The following KRT28 variants were observed in gnomAD, a reference collection of about 807,000 sequenced individuals.
The protein encoded by KRT28 is keratin 28.
A neutral mutation model predicts 48.1 loss-of-function variants in KRT28; 45 were observed. The observed-to-expected ratio is 0.94, with a 90% confidence interval of 0.74 to 1.20. KRT28 has a LOEUF of 1.20. Among genes scored for constraint, KRT28 ranks in the 50% most tolerant of loss-of-function variants. The pLI, the probability that KRT28 is intolerant of heterozygous loss-of-function variation, is 0.00. For missense variants in KRT28, 571 were observed against 574.1 expected (o/e 0.99, Z 0.06); for synonymous variants, 228 against 227.4 (o/e 1.00, Z -0.03).
At chr17:40,799,392 G>T (rs1173504913) in intron 1 of KRT28, 52 bp downstream of exon 1, 2 of 1,330,168 alleles carry the variant, frequency 1.5e-6, no homozygotes, top group East Asian at 2.3e-5. Context: ...CTTTTGTTAG[G>T]TATTTCTTAG....
Position 40,792,604 on chromosome 17 carries a change from C to T in KRT28, c.1253-35G>A, listed in dbSNP as rs774443385. The T allele has an allele frequency of 1.2e-5, 18 of 1,521,070 alleles. No homozygotes were observed. The South Asian group carries it at 2.2e-4, about 18-fold the overall frequency. The allele number at this position is 1,521,070 out of a possible 1,614,324, so 94.2% of individuals were successfully genotyped here. A position where few individuals can be genotyped will look rare whatever the true frequency, so the allele number is the denominator to read the frequency against. ...AAACATAGGCATACATATATTCAACCAAAAAGATTACATGACAATTCCACT... is the reference window on the plus strand; with the variant it reads ...AAACATAGGCATACATATATTCAACTAAAAAGATTACATGACAATTCCACT... On this transcript the variant is annotated intron_variant, in intron 7 of 7. Coordinates refer to ENST00000306658, the MANE Select transcript of KRT28 (RefSeq NM_181535.3).
intron 5 of KRT28, 124 bp downstream of exon 5, chr17:40,796,792 A>T: frequency 2.3e-6 from 3 of 1,308,116 alleles, no homozygotes; most frequent in Non-Finnish European, 3.1e-6. Context: ...GCTCTCCTCC[A>T]CTCTCTCTGC....
At chr17:40,799,075 G>C (rs531872413) in intron 1 of KRT28, 76 bp from the exon 2 acceptor site, 11 of 926,246 alleles carry the variant, frequency 1.2e-5, no homozygotes, top group Non-Finnish European at 1.8e-5. Context: ...AAATGAAAAA[G>C]GTTACTCAAG....
Position 40,797,286 on chromosome 17 carries a change from A to T in KRT28, c.691-5T>A. On this transcript the variant is annotated splice_region_variant and splice_polypyrimidine_tract_variant and intron_variant, in intron 3 of 7. Transcript: ENST00000306658. ...GCACTGCAGAGCCTTCATCTCCTGG[A>T]GAGAAGCAAGAGTGTGGCTTTAGGG... 6.2e-7 allele frequency: 1 copy of T among 1,612,008 alleles called. No individual in the cohort carries two copies. The highest frequency in any genetic ancestry group is 1.3e-5 in the African/African-American group (1 of 74,982).
At chr17:40,798,807 T>C in intron 2 of KRT28, 110 bp downstream of exon 2, 1 of 713,314 alleles carries the variant, frequency 1.4e-6, no homozygotes, top group Non-Finnish European at 2.4e-6. Context: ...TTGCTTCCTT[T>C]TATCTTTTAG....
chr17:40,795,862 T>C (rs1424134950), intron 5 of KRT28, among the ~76,000 whole-genome samples: 1 of 152,066 alleles, frequency 6.6e-6, no homozygotes, highest in Non-Finnish European at 1.5e-5. Context: ...AGGGATCTAG[T>C]TCAGGGAAGA....
intron 3 of KRT28, 106 bp from the exon 4 acceptor site, chr17:40,797,387 A>G: frequency 9.2e-7 from 1 of 1,082,876 alleles, no homozygotes; most frequent in Non-Finnish European, 1.3e-6. Context: ...GGTCAGGTGT[A>G]TAATTTATGG....
rs140152873 is a variant in KRT28 at position 40,796,107 on chromosome 17, T to C, written c.978+809A>G. Among the ~76,000 whole-genome samples the C allele has an allele frequency of 2.6e-4, 39 of 152,362 alleles. No homozygotes were observed. The East Asian group carries it at 6.2e-3, about 24-fold the overall frequency. ...GTTGTTTTGAGTCATCTTTTCCTTTTTGGCTCACTGCACTCACTTGGGTAA... is the reference window on the plus strand; with the variant it reads ...GTTGTTTTGAGTCATCTTTTCCTTTCTGGCTCACTGCACTCACTTGGGTAA... On this transcript the variant is annotated intron_variant, in intron 5 of 7. Coordinates refer to ENST00000306658, the MANE Select transcript of KRT28 (RefSeq NM_181535.3).
chr17:40,794,950 C>G (rs1360254696), intron 5 of KRT28, among the ~76,000 whole-genome samples: 1 of 152,116 alleles, frequency 6.6e-6, no homozygotes, highest in Non-Finnish European at 1.5e-5. Flanking sequence ...GGTAGTTAGG[C>G]CCAAGTATTT....
chr17:40,794,659 A>G (rs1239046653), intron 5 of KRT28, among the ~76,000 whole-genome samples: 2 of 152,216 alleles, frequency 1.3e-5, no homozygotes, highest in Non-Finnish European at 2.9e-5. Context: ...ACTCTTATGA[A>G]TATCATACTT....
intron 2 of KRT28, 112 bp from the exon 3 acceptor site, chr17:40,798,503 A>G: frequency 2.6e-6 from 3 of 1,170,930 alleles, no homozygotes; most frequent in Non-Finnish European, 3.6e-6. Context: ...AGGACTGTAA[A>G]TAGTATAAAA....
rs762186211 is a variant in KRT28 at position 40,798,274 on chromosome 17, C to CA, written c.650dup (p.Ser218GlufsTer2). 6.2e-7 allele frequency: 1 copy of CA among 1,612,926 alleles called. No homozygotes were observed. Among genetic ancestry groups the CA allele is most frequent in the South Asian group, 1.1e-5 (1 of 91,044 alleles). ...TTTTGAGATATGTCATCTCCTCACT[C>CA]AGAGACTCATATTGCAGCTCCTGGT... On this transcript the variant is annotated frameshift_variant, in exon 3 of 8. Coordinates refer to ENST00000306658, the MANE Select transcript of KRT28 (RefSeq NM_181535.3). LOFTEE classifies it high-confidence loss of function.
Position 40,798,256 on chromosome 17 carries a change from A to C in KRT28, c.669T>G (p.Tyr223Ter). The C allele has an allele frequency of 6.2e-7, 1 of 1,607,358 alleles. No homozygotes were observed. Among genetic ancestry groups the C allele is most frequent in the African/African-American group, 1.3e-5 (1 of 74,928 alleles). The change falls in exon 3 of 8, where the codon TAT (tyrosine) becomes TAG (stop). Residue 223 changes from tyrosine (Y) to a stop codon, truncating the protein, a stop_gained. Transcript: ENST00000306658. LOFTEE classifies it high-confidence loss of function. ...QYESLSEEMT[Y>*]LKKNHEEEMK... ...CTACCTCTTCGTGGTTCTTTTTGAGATATGTCATCTCCTCACTCAGAGACT... is the reference window on the plus strand; with the variant it reads ...CTACCTCTTCGTGGTTCTTTTTGAGCTATGTCATCTCCTCACTCAGAGACT...
At chr17:40,799,382 C>T in intron 1 of KRT28, 62 bp downstream of exon 1, 1 of 1,267,788 alleles carries the variant, frequency 7.9e-7, no homozygotes, top group Admixed American at 2.2e-5. Flanking sequence ...TATTGTATGT[C>T]TTTTGTTAGG....
chr17:40,792,653 G>A, intron 7 of KRT28, 84 bp from the exon 8 acceptor site: 1 of 1,001,542 alleles, frequency 1.0e-6, no homozygotes, highest in Non-Finnish European at 1.4e-6. Flanking sequence ...AATATATTAT[G>A]CATATTTTTG....
Position 40,792,555 on chromosome 17 carries a change from T to C in KRT28, c.1267A>G (p.Thr423Ala). The C allele has an allele frequency of 6.2e-7, 1 of 1,605,718 alleles. No individual in the cohort carries two copies. Among genetic ancestry groups the C allele is most frequent in the Non-Finnish European group, 8.5e-7 (1 of 1,177,326 alleles). Residue 423 changes from threonine (T) to alanine (A), a missense_variant, in exon 8 of 8, where the codon ACA becomes GCA. Physicochemically the swap from Thr to Ala is moderately conservative, Grantham distance 58. Coordinates refer to ENST00000306658, the MANE Select transcript of KRT28 (RefSeq NM_181535.3). ...GNSSKDLSKTTLVKTVVEELD... is the reference protein window; with the variant it reads ...GNSSKDLSKTALVKTVVEELD... The stretch of plus-strand genomic sequence containing the variant: ...TCTTCAACCACTGTCTTTACCAGTG[T>C]GGTTTTGGATAAATCTAGAAATAAA...
chr17:40,799,907 A>G lies in KRT28; in HGVS notation c.-14T>C. On this transcript the variant is annotated 5_prime_UTR_variant, in exon 1 of 8. Transcript: ENST00000306658. ...TTGGAGAGACATGGTGTTTTGAGAA[A>G]TGTTCACCTTGTCTATGCAAAACTG... The G allele has an allele frequency of 6.3e-7, 1 of 1,587,228 alleles. No homozygotes were observed. The highest frequency in any genetic ancestry group is 8.6e-7 in the Non-Finnish European group (1 of 1,162,134).
chr17:40,797,971 G>A (rs901004730), intron 3 of KRT28, among the ~76,000 whole-genome samples: 2 of 152,128 alleles, frequency 1.3e-5, no homozygotes, highest in Non-Finnish European at 2.9e-5. Context: ...GCCCTCATAG[G>A]CATTCATCCT....
Position 40,798,941 on chromosome 17 carries a change from A to T in KRT28, c.509T>A (p.Leu170Gln). Residue 170 changes from leucine (L) to glutamine (Q), a missense_variant, in exon 2 of 8, where the codon CTG becomes CAG. Physicochemically the swap from Leu to Gln is moderately radical, Grantham distance 113 (BLOSUM62 -2). Transcript: ENST00000306658. The part of the protein sequence containing the change: ...NVILQIDNAR[L>Q]AADDFRLKYE... The stretch of plus-strand genomic sequence containing the variant: ...CTTTAGCCTGAAATCATCAGCAGCC[A>T]GTCTGGCATTATCAATCTGCAGAAT... 2 of 1,608,150 alleles carry T rather than the reference A, an allele frequency of 1.2e-6. No individual in the cohort carries two copies. Among genetic ancestry groups the T allele is most frequent in the Non-Finnish European group, 1.7e-6 (2 of 1,177,010 alleles).
Sources: gnomAD v4.1 joint callset for allele counts (sites outside exome capture counted in the v4.1 genomes callset) on GRCh38, gnomAD v4.1.1 for gene constraint, MANE v1.5 for transcripts, NCBI Gene and HGNC (gene_info 2026-07-23, HGNC 2026-07-21) for gene names.